AOPEP: variants seen among roughly 807,000 people sequenced by gnomAD.
AOPEP encodes aminopeptidase O (putative).
In AOPEP, 77 loss-of-function variants were observed where a neutral mutation model predicts 98.1. The ratio of observed to expected loss-of-function variants is 0.78; its 90% CI spans 0.65 to 0.95. The LOEUF (loss-of-function observed/expected upper bound fraction) is 0.95. Ranked by LOEUF, AOPEP falls within the 40% of genes least tolerant of loss-of-function variation. The pLI, the probability that AOPEP is intolerant of heterozygous loss-of-function variation, is 0.00. For synonymous variants in AOPEP, 346 were observed against 365.3 expected, an observed-to-expected ratio of 0.95 and a Z score of 0.60; for missense variants, 1,024 against 1,024.7, an observed-to-expected ratio of 1.00 and a Z score of 0.01.
chr9:94,792,638 CG>C, intron 3 of AOPEP, 126 bp from the exon 4 acceptor site: 1 of 871,658 alleles, frequency 1.1e-6, no homozygotes, highest in Non-Finnish European at 1.7e-6. Flanking sequence ...CTGACGTGAC[CG>C]ACCTCCAAGA....
chr9:95,025,923 C>T (rs2063801224), intron 13 of AOPEP, among the ~76,000 whole-genome samples: 2 of 152,148 alleles, frequency 1.3e-5, no homozygotes, highest in Non-Finnish European at 2.9e-5. Flanking sequence ...AAGTAAGCTC[C>T]GAGTGGTTAA....
chr9:95,059,531 G>GT (rs2067137775), intron 13 of AOPEP, among the ~76,000 whole-genome samples: 3 of 151,442 alleles, frequency 2.0e-5, no homozygotes, highest in Non-Finnish European at 4.4e-5. Context: ...GTGTGAATGA[G>GT]TGAGGGGGTA....
the AOPEP span, among the ~76,000 whole-genome samples, chr9:95,149,364 A>G: frequency 6.6e-6 from 1 of 152,184 alleles, no homozygotes. Context: ...TGATGAAATA[A>G]TATGTACAAC....
chr9:94,765,180 C>G (rs1201880723), intron 2 of AOPEP, among the ~76,000 whole-genome samples: 1 of 151,760 alleles, frequency 6.6e-6, no homozygotes, highest in East Asian at 2.0e-4. Context: ...CCAGGCTGGT[C>G]TCGAACTCCT....
At chr9:95,043,071 G>A (rs1167325965) in intron 13 of AOPEP, among the ~76,000 whole-genome samples, 1 of 151,694 alleles carries the variant, frequency 6.6e-6, no homozygotes, top group Non-Finnish European at 1.5e-5. Flanking sequence ...CCAGGAGTTC[G>A]AGATCGGCCT....
At position 94,861,909 on chromosome 9, in the gene AOPEP, G is replaced by A. The variant is rs899256199; in HGVS notation, c.1364+60907G>A. Among the ~76,000 whole-genome samples, 2 of 152,092 alleles carry A rather than the reference G, an allele frequency of 1.3e-5. 1 individual carries two copies. Among genetic ancestry groups the A allele is most frequent in the Non-Finnish European group, 2.9e-5 (2 of 68,020 alleles). ...CACTACGTCTTTCATGAGGCTAGAC[G>A]GTGCTCTTCTTGTCCTCAGAGTTGT... On this transcript the variant is annotated intron_variant, in intron 5 of 16. Coordinates refer to ENST00000375315, the MANE Select transcript of AOPEP (RefSeq NM_001193329.3).
At position 94,792,869 on chromosome 9, in the gene AOPEP, A is replaced by G. The variant is rs369263282; in HGVS notation, c.1069A>G (p.Asn357Asp). The G allele has an allele frequency of 3.7e-6, 6 of 1,613,588 alleles. No individual in the cohort carries two copies. The highest frequency in any genetic ancestry group is 2.7e-5 in the African/African-American group (2 of 74,864). ...TEMKMETWSS[N>D]DLATERPFSP... ...AATGAAGATGGAGACATGGTCATCAAATGATTTGGCAACAGAGAGACCCTT... is the reference window on the plus strand; with the variant it reads ...AATGAAGATGGAGACATGGTCATCAGATGATTTGGCAACAGAGAGACCCTT... Residue 357 changes from asparagine (N) to aspartate (D), a missense_variant, in exon 4 of 17, where the codon AAT becomes GAT. Asn to Asp is a conservative substitution (Grantham distance 23, BLOSUM62 1). Transcript: ENST00000375315.
chr9:94,989,226 C>T (rs1466806008), intron 11 of AOPEP, among the ~76,000 whole-genome samples: 3 of 151,830 alleles, frequency 2.0e-5, no homozygotes, highest in Non-Finnish European at 4.4e-5. Flanking sequence ...CTCAGCCTCC[C>T]GAGTAGCTGA....
At chr9:94,889,698 A>G (rs2048653202) in intron 5 of AOPEP, among the ~76,000 whole-genome samples, 1 of 152,222 alleles carries the variant, frequency 6.6e-6, no homozygotes, top group Non-Finnish European at 1.5e-5. Flanking sequence ...AGTTCTCTAG[A>G]TAAATACCCA....
chr9:95,043,239 G>GATATATACATATATATATATACAT (rs1564564236), intron 13 of AOPEP, among the ~76,000 whole-genome samples: 20 of 22,958 alleles, frequency 8.7e-4, no homozygotes, highest in African/African-American at 1.3e-3. Context: ...TATATATACA[G>GATATATACATATATATATATACAT]ATATATACAG....
At chr9:94,957,311 G>A (rs983838852) in intron 9 of AOPEP, among the ~76,000 whole-genome samples, 3 of 152,120 alleles carry the variant, frequency 2.0e-5, no homozygotes, top group African/African-American at 7.2e-5. Flanking sequence ...AGATTCAAGT[G>A]ATTCTCCCGC....
At chr9:94,922,002 T>C (rs766699716) in intron 5 of AOPEP, among the ~76,000 whole-genome samples, 2 of 151,798 alleles carry the variant, frequency 1.3e-5, no homozygotes, top group Non-Finnish European at 2.9e-5. Context: ...CCCAACAAGA[T>C]GGACTGAGGC....
At chr9:94,747,643 G>A (rs1834823335) in intron 1 of AOPEP, among the ~76,000 whole-genome samples, 1 of 152,200 alleles carries the variant, frequency 6.6e-6, no homozygotes, top group African/African-American at 2.4e-5. Context: ...AGAGATAATG[G>A]TGGTCATTAG....
chr9:94,744,256 G>A (rs1833927105), intron 1 of AOPEP, among the ~76,000 whole-genome samples: 1 of 152,102 alleles, frequency 6.6e-6, no homozygotes, highest in African/African-American at 2.4e-5. Flanking sequence ...GCTGGGTGTG[G>A]TGGCAGGCGC....
the AOPEP span, among the ~76,000 whole-genome samples, chr9:95,117,892 T>G: frequency 6.6e-6 from 1 of 152,122 alleles, no homozygotes. Context: ...CTACTAATTT[T>G]GTACTTTTTA....
chr9:95,135,846 G>C, the AOPEP span, among the ~76,000 whole-genome samples: 84 of 152,304 alleles, frequency 5.5e-4, 2 homozygotes, highest in South Asian at 0.017. Context: ...TGAAGAAATA[G>C]GCATGTTCAA....
intron 5 of AOPEP, among the ~76,000 whole-genome samples, chr9:94,829,061 G>C (rs538382699): frequency 1.1e-4 from 17 of 151,922 alleles, no homozygotes; most frequent in African/African-American, 3.4e-4. Context: ...TAGAGGCGGG[G>C]TTTCACCATG....
At chr9:94,931,738 G>T in intron 7 of AOPEP, 1 of 1,550,456 alleles carries the variant, frequency 6.4e-7, no homozygotes, top group Non-Finnish European at 8.7e-7. Flanking sequence ...GGCGGATGCA[G>T]TGGAAGCTTC....
intron 5 of AOPEP, among the ~76,000 whole-genome samples, chr9:94,832,438 A>C (rs1346584593): frequency 6.6e-6 from 1 of 152,218 alleles, no homozygotes; most frequent in Non-Finnish European, 1.5e-5. Flanking sequence ...TTGCAGGGGA[A>C]GCGTCAATGC....
Sources: gnomAD v4.1 joint callset for allele counts (sites outside exome capture counted in the v4.1 genomes callset) on GRCh38, gnomAD v4.1.1 for gene constraint, MANE v1.5 for transcripts, NCBI Gene and HGNC (gene_info 2026-07-23, HGNC 2026-07-21) for gene names.